Variants in OXR1 observed in about 807,000 individuals in gnomAD.
OXR1 encodes the protein oxidation resistance 1.
A neutral mutation model predicts 104.6 loss-of-function variants in OXR1; 41 were observed. The ratio of observed to expected loss-of-function variants is 0.39; its 90% confidence interval spans 0.31 to 0.51. OXR1 has a LOEUF of 0.51. OXR1 is among the 20% of genes least tolerant of loss of function. OXR1 has a pLI of 0.77. For missense variants in OXR1, 955 were observed against 1,031.9 expected (o/e 0.93, Z 1.02); for synonymous variants, 348 against 348.4 (o/e 1.00, Z 0.01).
intron 3 of OXR1, among the ~76,000 whole-genome samples, chr8:106,622,635 A>G (rs953008807): frequency 5.3e-5 from 8 of 152,160 alleles, no homozygotes; most frequent in Non-Finnish European, 1.2e-4. Flanking sequence ...CTAGAGATCC[A>G]CATAGCCAAC....
rs538277322 is a variant in OXR1 at position 106,716,594 on chromosome 8, G to A, written c.1956+2609G>A. Among the ~76,000 whole-genome samples the A allele has an allele frequency of 1.5e-3, 30 of 19,902 alleles. 7 individuals carry two copies. The Admixed American group carries it at 0.016, about 11-fold the overall frequency. 13.1% of individuals were successfully genotyped at this position (19,902 alleles called of 152,430 possible). ...AGCCGAGATTGCGCCACTGCAGTCC[G>A]CAGTCCGGCCTGGGCGACAGAGCGA... is the stretch of plus-strand genomic sequence containing the variant. On this transcript the variant is annotated intron_variant, in intron 11 of 16. Transcript: ENST00000517566.
intron 2 of OXR1, among the ~76,000 whole-genome samples, chr8:106,451,715 G>A (rs1820323750): frequency 6.6e-6 from 1 of 152,176 alleles, no homozygotes; most frequent in South Asian, 2.1e-4. Context: ...GTTGAGATTA[G>A]CAATAGAAGT....
intron 2 of OXR1, among the ~76,000 whole-genome samples, chr8:106,490,119 T>C (rs1423086853): frequency 6.6e-6 from 1 of 152,180 alleles, no homozygotes; most frequent in Non-Finnish European, 1.5e-5. Context: ...AAGGAATACC[T>C]TTCCCCTTCA....
At chr8:106,359,721 T>C (rs1816157849) in intron 2 of OXR1, 85 bp downstream of exon 2, 2 of 998,658 alleles carry the variant, frequency 2.0e-6, no homozygotes, top group South Asian at 1.4e-5. Flanking sequence ...AGGCAGAACT[T>C]GGGCAGAGAG....
At chr8:106,728,178 A>G (rs1833525045) in intron 11 of OXR1, among the ~76,000 whole-genome samples, 2 of 150,654 alleles carry the variant, frequency 1.3e-5, no homozygotes, top group Admixed American at 1.3e-4. Flanking sequence ...GAGCCCTGTA[A>G]GATTTTGCCT....
intron 11 of OXR1, among the ~76,000 whole-genome samples, chr8:106,715,456 T>A (rs957586524): frequency 6.7e-6 from 1 of 148,688 alleles, no homozygotes; most frequent in Non-Finnish European, 1.5e-5. Flanking sequence ...ATATATATAT[T>A]ATATACATCT....
chr8:106,312,063 G>A (rs1563710946), intron 1 of OXR1, among the ~76,000 whole-genome samples: 1 of 151,608 alleles, frequency 6.6e-6, no homozygotes, highest in Non-Finnish European at 1.5e-5. Flanking sequence ...AGGGAGCAGA[G>A]GCTAACTTGT....
chr8:106,270,739 CG>C, intron 1 of OXR1, among the ~76,000 whole-genome samples: 1 of 151,818 alleles, frequency 6.6e-6, no homozygotes, highest in East Asian at 1.9e-4. Flanking sequence ...GGGGTGTCGC[CG>C]GGGGATAGAG....
chr8:106,293,965 A>ATTTTTTTTTTT (rs61559960), intron 1 of OXR1, among the ~76,000 whole-genome samples: 4 of 124,356 alleles, frequency 3.2e-5, no homozygotes, highest in Admixed American at 1.7e-4. Context: ...TGACAGTTTA[A>ATTTTTTTTTTT]TTTTTTTTTT....
At chr8:106,741,447 A>G (rs1382298078) in intron 14 of OXR1, among the ~76,000 whole-genome samples, 1 of 152,150 alleles carries the variant, frequency 6.6e-6, no homozygotes, top group East Asian at 1.9e-4. Context: ...TGAATGTTGC[A>G]TGGGACTTTG....
intron 3 of OXR1, among the ~76,000 whole-genome samples, chr8:106,568,978 G>T (rs957982979): frequency 6.6e-6 from 1 of 152,054 alleles, no homozygotes; most frequent in South Asian, 2.1e-4. Flanking sequence ...TATAAAGGCT[G>T]GGGTGTGCTT....
chr8:106,500,189 G>A (rs192641856), intron 2 of OXR1, among the ~76,000 whole-genome samples: 158 of 152,296 alleles, frequency 1.0e-3, no homozygotes, highest in African/African-American at 3.1e-3. Context: ...TGAAGGAAGA[G>A]AAAGACCCTC....
chr8:106,608,382 C>A (rs1002365749), intron 3 of OXR1, among the ~76,000 whole-genome samples: 11 of 151,996 alleles, frequency 7.2e-5, no homozygotes, highest in Admixed American at 5.2e-4. Context: ...ACTTTATGGG[C>A]AAATCTTTCA....
At chr8:106,386,065 A>G (rs1198783063) in intron 2 of OXR1, among the ~76,000 whole-genome samples, 3 of 149,508 alleles carry the variant, frequency 2.0e-5, no homozygotes, top group African/African-American at 7.7e-5. Context: ...ATAGCTGTTG[A>G]GCAGTGGGCA....
At chr8:106,317,270 C>A (rs2130163094) in intron 1 of OXR1, among the ~76,000 whole-genome samples, 1 of 152,152 alleles carries the variant, frequency 6.6e-6, no homozygotes, top group Middle Eastern at 3.4e-3. Flanking sequence ...CTGTGAGGGG[C>A]AAAAACATAA....
intron 11 of OXR1, among the ~76,000 whole-genome samples, chr8:106,731,730 G>A (rs1833912769): frequency 6.6e-6 from 1 of 152,140 alleles, no homozygotes; most frequent in Non-Finnish European, 1.5e-5. Flanking sequence ...GTGTTTTATT[G>A]TGTATCATTG....
At chr8:106,709,096 AT>A in intron 9 of OXR1, among the ~76,000 whole-genome samples, 1 of 152,254 alleles carries the variant, frequency 6.6e-6, no homozygotes, top group East Asian at 1.9e-4. Flanking sequence ...AGTAAAGAAC[AT>A]TTGGCAAACA....
chr8:106,371,051 G>A (rs1816685560), intron 2 of OXR1, among the ~76,000 whole-genome samples: 2 of 151,706 alleles, frequency 1.3e-5, no homozygotes, highest in Admixed American at 1.3e-4. Flanking sequence ...TTGGTTGGTA[G>A]GCTATTAATT....
At chr8:106,360,398 T>C (rs116565461) in intron 2 of OXR1, among the ~76,000 whole-genome samples, 16 of 152,172 alleles carry the variant, frequency 1.1e-4, no homozygotes, top group African/African-American at 3.9e-4. Flanking sequence ...TCTTTAAGAA[T>C]TCATTTTATC....
Sources: allele counts gnomAD v4.1 joint callset (sites outside exome capture counted in the v4.1 genomes callset), GRCh38; gene constraint gnomAD v4.1.1; transcripts MANE v1.5; gene names NCBI Gene and HGNC (gene_info 2026-07-23, HGNC 2026-07-21).